The following TRAIP variants were observed in gnomAD, a reference collection of about 807,000 sequenced individuals.
TRAIP encodes the protein E3 ubiquitin-protein ligase TRAIP.
A neutral mutation model predicts 65.0 loss-of-function variants in TRAIP; 37 were observed. That is an observed-to-expected ratio of 0.57 (90% CI 0.44 to 0.75). TRAIP has a LOEUF of 0.75. Among genes scored for constraint, TRAIP ranks in the 30% least tolerant of loss-of-function variants. The probability of loss-of-function intolerance (pLI) is 0.00; values close to 1 mark genes in which losing one functional copy is unlikely to be tolerated. For missense variants in TRAIP, 481 were observed against 579.4 expected, an observed-to-expected ratio of 0.83 and a Z score of 1.74; for synonymous variants, 187 against 219.1, an observed-to-expected ratio of 0.85 and a Z score of 1.29.
chr3:49,831,774 G>A, intron 11 of TRAIP, 142 bp downstream of exon 11: 1 of 876,820 alleles, frequency 1.1e-6, no homozygotes. Context: ...GGAACAAGAG[G>A]TAGCTGGAAC....
intron 5 of TRAIP, chr3:49,843,007 A>T (rs2081851507): frequency 1.2e-5 from 2 of 164,674 alleles, no homozygotes; most frequent in African/African-American, 4.8e-5. Context: ...GCCTAAGACC[A>T]CTTGTCTCTG....
chr3:49,847,395 G>T (rs909264785), intron 3 of TRAIP, 130 bp downstream of exon 3: 58 of 676,914 alleles, frequency 8.6e-5, no homozygotes, highest in Non-Finnish European at 1.4e-4. Context: ...AAAAAGAAAA[G>T]AAAAGAAAAG....
chr3:49,853,839 T>G (rs951773396), intron 1 of TRAIP, among the ~76,000 whole-genome samples: 1 of 150,788 alleles, frequency 6.6e-6, no homozygotes. Context: ...AGAACGAGAC[T>G]CCATCTCAAA....
chr3:49,849,993 T>G (rs2081917421), intron 1 of TRAIP, among the ~76,000 whole-genome samples: 1 of 151,554 alleles, frequency 6.6e-6, no homozygotes, highest in Non-Finnish European at 1.5e-5. Flanking sequence ...ACCACAGGCG[T>G]GCACCACCAT....
At position 49,856,519 on chromosome 3, in the gene TRAIP, C is replaced by A; in HGVS notation, c.-66G>T. The A allele has an allele frequency of 3.5e-6, 5 of 1,443,078 alleles. No individual in the cohort carries two copies. Among genetic ancestry groups the A allele is most frequent in the Non-Finnish European group, 4.8e-6 (5 of 1,045,248 alleles). 89.4% of individuals were successfully genotyped at this position (1,443,078 alleles called of 1,614,324 possible). ...CTACAGGTCCGGCTTCGTAGACGCG[C>A]CCCCGCGCCTCCGCTTGCTTCAAAT... On this transcript the variant is annotated 5_prime_UTR_variant, in exon 1 of 15. Coordinates refer to ENST00000331456, the MANE Select transcript of TRAIP (RefSeq NM_005879.3).
At chr3:49,830,546 C>G (rs1263515071) in intron 11 of TRAIP, among the ~76,000 whole-genome samples, 1 of 152,190 alleles carries the variant, frequency 6.6e-6, no homozygotes, top group East Asian at 1.9e-4. Flanking sequence ...AGTAAAGTAG[C>G]CCACAAAATC....
intron 10 of TRAIP, among the ~76,000 whole-genome samples, chr3:49,833,933 C>G (rs1181823174): frequency 1.3e-5 from 2 of 152,190 alleles, no homozygotes; most frequent in Non-Finnish European, 2.9e-5. Flanking sequence ...CTGGTTGAGG[C>G]TGGCTTGAGG....
At chr3:49,841,983 G>T in intron 6 of TRAIP, 44 bp from the exon 7 acceptor site, 1 of 1,496,610 alleles carries the variant, frequency 6.7e-7, no homozygotes, top group Non-Finnish European at 9.3e-7. Flanking sequence ...TCTGGAGGCT[G>T]ATGGGTAGGT....
Position 49,829,020 on chromosome 3 carries a change from T to C in TRAIP, c.*83A>G, listed in dbSNP as rs2081707623. On this transcript the variant is annotated 3_prime_UTR_variant, in exon 15 of 15. Transcript: ENST00000331456. ...CTCAGGCTGGTCCCGAAAGTGGGGC[T>C]CTGTCCACAAAACCCCTGCCTGGAC... 6.3e-7 allele frequency: 1 copy of C among 1,598,164 alleles called. No individual in the cohort carries two copies. Among genetic ancestry groups the C allele is most frequent in the Non-Finnish European group, 8.6e-7 (1 of 1,167,942 alleles).
chr3:49,841,075 G>A lies in TRAIP; in HGVS notation c.618-3C>T. 6.2e-7 allele frequency: 1 copy of A among 1,613,828 alleles called. No individual in the cohort carries two copies. Among genetic ancestry groups the A allele is most frequent in the South Asian group, 1.1e-5 (1 of 91,070 alleles). ...CCTCTTTTAGATTCTCGTACTCTCT[G>A]CAATGTGGCCATGGAAAGAGATGCC... On this transcript the variant is annotated splice_region_variant and splice_polypyrimidine_tract_variant and intron_variant, in intron 7 of 14. Coordinates refer to ENST00000331456, the MANE Select transcript of TRAIP (RefSeq NM_005879.3).
chr3:49,847,828 T>C (rs2081898431), intron 2 of TRAIP, among the ~76,000 whole-genome samples: 1 of 151,996 alleles, frequency 6.6e-6, no homozygotes, highest in Admixed American at 6.5e-5. Context: ...GTCATATTAC[T>C]ACAGACCTAC....
At chr3:49,848,287 C>T in intron 1 of TRAIP, 87 bp from the exon 2 acceptor site, 14 of 1,422,338 alleles carry the variant, frequency 9.8e-6, no homozygotes, top group East Asian at 2.4e-5. Context: ...ACGAAAGGGT[C>T]TGTTCTGCTC....
intron 6 of TRAIP, 22 bp from the exon 7 acceptor site, chr3:49,841,961 C>A (rs370106015): frequency 6.2e-7 from 1 of 1,601,686 alleles, no homozygotes; most frequent in South Asian, 1.1e-5. Flanking sequence ...ACCCAGCCCA[C>A]GGCATTTGCA....
At chr3:49,836,948 A>G (rs532528404) in intron 10 of TRAIP, among the ~76,000 whole-genome samples, 2 of 142,802 alleles carry the variant, frequency 1.4e-5, no homozygotes, top group South Asian at 4.3e-4. Flanking sequence ...CTTCCTTGAC[A>G]TGACTTTTTT....
chr3:49,832,812 A>G (rs1372242485), intron 10 of TRAIP, among the ~76,000 whole-genome samples: 2 of 149,152 alleles, frequency 1.3e-5, no homozygotes, highest in African/African-American at 4.9e-5. Flanking sequence ...ACCTCCTGTC[A>G]TACAAGGAGA....
chr3:49,838,610 G>T (rs116654401), intron 10 of TRAIP, among the ~76,000 whole-genome samples: 5 of 152,288 alleles, frequency 3.3e-5, no homozygotes, highest in Non-Finnish European at 7.4e-5. Flanking sequence ...AAGCAACCAG[G>T]CACGGTGGCT....
rs925188909 is a variant in TRAIP at position 49,844,571 on chromosome 3, C to A, written c.250G>T (p.Asp84Tyr). 1.9e-6 allele frequency: 3 copies of A among 1,614,024 alleles called. No homozygotes were observed. The highest frequency in any genetic ancestry group is 2.2e-5 in the South Asian group (2 of 91,060). ...LDAEFLKNEL[D>Y]NVRAQLSQKD... ...TGGGAAAGCTGGGCTCTGACATTGT[C>A]CAGTTCATTCTGAAAGGCAATACCC... Residue 84 changes from aspartate to tyrosine, a missense_variant, in exon 4 of 15, where the codon GAC becomes TAC. Asp to Tyr is a radical substitution (Grantham distance 160, BLOSUM62 -3). Transcript: ENST00000331456.
At chr3:49,846,409 C>A (rs969835923) in intron 3 of TRAIP, among the ~76,000 whole-genome samples, 4 of 152,012 alleles carry the variant, frequency 2.6e-5, no homozygotes, top group Non-Finnish European at 5.9e-5. Flanking sequence ...AACACTGAAT[C>A]CAAAAATCTC....
At chr3:49,850,021 A>G (rs917457307) in intron 1 of TRAIP, among the ~76,000 whole-genome samples, 5 of 151,482 alleles carry the variant, frequency 3.3e-5, no homozygotes, top group African/African-American at 1.2e-4. Context: ...TAAAATTCCC[A>G]TAAGTTTTCA....
Sources: allele counts gnomAD v4.1 joint callset (sites outside exome capture counted in the v4.1 genomes callset), GRCh38; gene constraint gnomAD v4.1.1; transcripts MANE v1.5; gene names NCBI Gene and HGNC (gene_info 2026-07-23, HGNC 2026-07-21).